EPS15L1: variants seen among roughly 807,000 people sequenced by gnomAD.
EPS15L1 encodes the protein epidermal growth factor receptor substrate 15-like 1.
A neutral mutation model predicts 117.1 loss-of-function variants in EPS15L1; 43 were observed. The ratio of observed to expected loss-of-function variants is 0.37; its 90% CI spans 0.29 to 0.47. EPS15L1 has a LOEUF of 0.47. Ranked by LOEUF, EPS15L1 falls within the 20% of genes least tolerant of loss-of-function variation. The probability of loss-of-function intolerance (pLI) is 0.99; values close to 1 mark genes in which losing one functional copy is unlikely to be tolerated. For missense variants in EPS15L1, 981 were observed against 1,164.0 expected, an observed-to-expected ratio of 0.84 and a Z score of 2.29; for synonymous variants, 459 against 470.5, an observed-to-expected ratio of 0.98 and a Z score of 0.32.
intron 16 of EPS15L1, among the ~76,000 whole-genome samples, chr19:16,399,206 A>C (rs2092571773): frequency 6.6e-6 from 1 of 152,174 alleles, no homozygotes; most frequent in Non-Finnish European, 1.5e-5. Context: ...AGCAGGATTC[A>C]GGAGGTCAGG....
intron 10 of EPS15L1, 34 bp downstream of exon 10, chr19:16,421,285 C>A: frequency 6.3e-7 from 1 of 1,581,002 alleles, no homozygotes; most frequent in Non-Finnish European, 8.6e-7. Flanking sequence ...CCTGGAGCCA[C>A]CCACAGCCAC....
At chr19:16,459,183 G>A (rs1176163702) in intron 1 of EPS15L1, among the ~76,000 whole-genome samples, 5 of 152,176 alleles carry the variant, frequency 3.3e-5, no homozygotes, top group Admixed American at 2.0e-4. Flanking sequence ...ATGGTTATGC[G>A]GTGCGTGACT....
chr19:16,406,935 T>C (rs938273081), intron 13 of EPS15L1, among the ~76,000 whole-genome samples: 13 of 152,156 alleles, frequency 8.5e-5, no homozygotes, highest in Admixed American at 7.9e-4. Flanking sequence ...AGTGGCCTTA[T>C]AAAAGAGGCC....
intron 10 of EPS15L1, among the ~76,000 whole-genome samples, chr19:16,418,959 C>T (rs2092787960): frequency 6.6e-6 from 1 of 152,170 alleles, no homozygotes; most frequent in Non-Finnish European, 1.5e-5. Flanking sequence ...TCACAGCAGC[C>T]CAATGGTCTA....
Position 16,428,770 on chromosome 19 carries a change from G to A in EPS15L1, c.499-9C>T. 1 of 1,606,954 alleles carries A rather than the reference G, an allele frequency of 6.2e-7. No individual in the cohort carries two copies. Among genetic ancestry groups the A allele is most frequent in the East Asian group, 2.2e-5 (1 of 44,734 alleles). ...TCACTGAGGTCCCAGACCTGCAAGG[G>A]AGAGACCAGCATGGGTAACTGTGGG... is the stretch of plus-strand genomic sequence containing the variant. On this transcript the variant is annotated splice_polypyrimidine_tract_variant and intron_variant, in intron 7 of 23. Coordinates refer to ENST00000455140, the MANE Select transcript of EPS15L1 (RefSeq NM_001258374.3).
chr19:16,467,316 T>C (rs1379778113), intron 1 of EPS15L1, among the ~76,000 whole-genome samples: 1 of 151,856 alleles, frequency 6.6e-6, no homozygotes, highest in African/African-American at 2.4e-5. Flanking sequence ...GCCAGGCTAA[T>C]GTTTTGTATT....
chr19:16,427,241 C>A (rs2092881448), intron 8 of EPS15L1, among the ~76,000 whole-genome samples: 1 of 152,206 alleles, frequency 6.6e-6, no homozygotes, highest in African/African-American at 2.4e-5. Flanking sequence ...AGGGTGTTCA[C>A]GTCACTGCAC....
intron 19 of EPS15L1, among the ~76,000 whole-genome samples, chr19:16,389,720 G>A (rs1418006073): frequency 5.3e-5 from 8 of 152,182 alleles, no homozygotes; most frequent in African/African-American, 9.6e-5. Flanking sequence ...TTCACATGAC[G>A]GCTATAACAT....
At chr19:16,461,672 G>A (rs577957390) in intron 1 of EPS15L1, among the ~76,000 whole-genome samples, 27 of 152,130 alleles carry the variant, frequency 1.8e-4, no homozygotes, top group Non-Finnish European at 2.2e-4. Context: ...ACAGATTGGC[G>A]TAATGACAGA....
intron 22 of EPS15L1, among the ~76,000 whole-genome samples, chr19:16,375,423 T>G (rs1479443450): frequency 6.6e-6 from 1 of 151,934 alleles, no homozygotes; most frequent in Non-Finnish European, 1.5e-5. Flanking sequence ...AATGTGCACA[T>G]GCATGTGTGC....
chr19:16,408,905 C>T (rs1301211896), intron 13 of EPS15L1, among the ~76,000 whole-genome samples: 4 of 151,990 alleles, frequency 2.6e-5, no homozygotes, highest in East Asian at 1.9e-4. Flanking sequence ...GGCCATTCAA[C>T]GGGGGAAAGA....
At chr19:16,434,701 T>C in intron 6 of EPS15L1, 1 of 475,862 alleles carries the variant, frequency 2.1e-6, no homozygotes, top group Middle Eastern at 5.8e-4. Context: ...ACCTCGGATC[T>C]GGGAGCCAAG....
In EPS15L1 at chr19:16,405,535, TACA is replaced by T. The variant is rs1599591863; in HGVS notation, c.1267-789_1267-787del. 2.6e-5 allele frequency among the ~76,000 whole-genome samples: 4 copies of T among 152,328 alleles called. No individual in the cohort carries two copies. In the East Asian group the frequency reaches 7.7e-4, roughly 29 times the overall value. On this transcript the variant is annotated intron_variant, in intron 13 of 23. Coordinates refer to ENST00000455140, the MANE Select transcript of EPS15L1 (RefSeq NM_001258374.3). This position sits in a 1 kb window ranked among gnomAD's most constrained non-coding sequence, Gnocchi z 4.0. ...GAAGCATACAGCGTGTGCAGAGGTA[TACA>T]ACGTCTATGACAGCAAAATCCGTAA...
intron 7 of EPS15L1, among the ~76,000 whole-genome samples, chr19:16,433,654 T>A (rs780704977): frequency 2.2e-4 from 34 of 151,272 alleles, no homozygotes; most frequent in Non-Finnish European, 3.2e-4. Flanking sequence ...TGAGACCCCA[T>A]CTCTAAAAAC....
At chr19:16,398,875 C>T (rs546704649) in intron 16 of EPS15L1, among the ~76,000 whole-genome samples, 1 of 152,326 alleles carries the variant, frequency 6.6e-6, no homozygotes, top group African/African-American at 2.4e-5. Flanking sequence ...TAGCACACTA[C>T]AGCCCAGAAC....
intron 19 of EPS15L1, 32 bp downstream of exon 19, chr19:16,392,272 A>G: frequency 6.2e-7 from 1 of 1,612,770 alleles, no homozygotes; most frequent in Non-Finnish European, 8.5e-7. Context: ...GCAGGCACGC[A>G]GCTCTCCCGG....
At chr19:16,413,155 C>T in intron 13 of EPS15L1, 1 of 663,250 alleles carries the variant, frequency 1.5e-6, no homozygotes, top group Non-Finnish European at 2.8e-6. Context: ...ATCCGCAGGG[C>T]CATCATACTG....
At position 16,397,359 on chromosome 19, in the gene EPS15L1, G is replaced by A. The variant is rs1273343400; in HGVS notation, c.1792-1892C>T. 2.6e-5 allele frequency among the ~76,000 whole-genome samples: 4 copies of A among 152,084 alleles called. No individual in the cohort carries two copies. In the South Asian group the frequency reaches 6.2e-4, roughly 24 times the overall value. On this transcript the variant is annotated intron_variant, in intron 16 of 23. Coordinates refer to ENST00000455140, the MANE Select transcript of EPS15L1 (RefSeq NM_001258374.3). ...CCCCCCTCGGCCTCCCAAAGTGCTG[G>A]GATTACAGGCGTGAGCCACCGCGCC... is the stretch of plus-strand genomic sequence containing the variant.
At chr19:16,437,960 T>C (rs2092993877) in intron 4 of EPS15L1, 95 bp from the exon 5 acceptor site, 2 of 942,528 alleles carry the variant, frequency 2.1e-6, no homozygotes, top group Non-Finnish European at 3.3e-6. Context: ...AAAGAGGATG[T>C]GCACTTCAAC....
Sources: allele counts gnomAD v4.1 joint callset (sites outside exome capture counted in the v4.1 genomes callset), GRCh38; gene constraint gnomAD v4.1.1; non-coding constraint Gnocchi (gnomAD v3.1); transcripts MANE v1.5; gene names NCBI Gene and HGNC (gene_info 2026-07-23, HGNC 2026-07-21).